The following EPM2A variants were observed in gnomAD, a reference collection of about 807,000 sequenced individuals.
The protein encoded by EPM2A is laforin.
In EPM2A, 21 loss-of-function variants were observed where a neutral mutation model predicts 26.5. The ratio of observed to expected loss-of-function variants is 0.79; its 90% CI spans 0.56 to 1.14. The LOEUF (loss-of-function observed/expected upper bound fraction) is 1.14, where lower values mean the gene tolerates loss of function less well. Among genes scored for constraint, EPM2A ranks in the 50% most tolerant of loss-of-function variants. The pLI is 0.00. For missense variants in EPM2A, 458 were observed against 440.8 expected (o/e 1.04, Z -0.35); for synonymous variants, 217 against 177.6 (o/e 1.22, Z -1.76).
At chr6:145,664,295 T>A (rs1778977118) in intron 2 of EPM2A, among the ~76,000 whole-genome samples, 1 of 93,134 alleles carries the variant, frequency 1.1e-5, no homozygotes. Context: ...ACACATAGGC[T>A]CAAAATAAAA....
intron 2 of EPM2A, among the ~76,000 whole-genome samples, chr6:145,566,733 A>G (rs1013352654): frequency 5.3e-5 from 8 of 152,194 alleles, no homozygotes; most frequent in African/African-American, 1.9e-4. Flanking sequence ...GGTTCTTAAT[A>G]GGGGTCAAAA....
At chr6:145,591,227 A>T (rs1034998166) in intron 2 of EPM2A, among the ~76,000 whole-genome samples, 5 of 152,162 alleles carry the variant, frequency 3.3e-5, no homozygotes, top group Non-Finnish European at 5.9e-5. Context: ...AAGGTATAAC[A>T]TAGACATATT....
At chr6:145,389,117 T>C (rs1031601463) in intron 4 of EPM2A, among the ~76,000 whole-genome samples, 4 of 152,152 alleles carry the variant, frequency 2.6e-5, no homozygotes, top group African/African-American at 7.2e-5. Context: ...GTTTCTCAAT[T>C]GGGCCTACCT....
chr6:145,652,337 TG>T (rs1209117447), intron 2 of EPM2A, among the ~76,000 whole-genome samples: 1 of 152,144 alleles, frequency 6.6e-6, no homozygotes, highest in African/African-American at 2.4e-5. Flanking sequence ...TCTTTTTGTT[TG>T]TTGTTAATGG....
At chr6:145,632,348 C>G (rs902652117) in intron 3 of EPM2A, 9 of 152,102 alleles carry the variant, frequency 5.9e-5, no homozygotes, top group Non-Finnish European at 1.3e-4. Flanking sequence ...ATTTGGGAGG[C>G]AAGGGTAGAC....
chr6:145,673,709 A>C (rs1351593101), intron 2 of EPM2A, among the ~76,000 whole-genome samples: 1 of 152,146 alleles, frequency 6.6e-6, no homozygotes, highest in Non-Finnish European at 1.5e-5. Context: ...GAGAGGCTGC[A>C]GCCTGGTGGG....
intron 2 of EPM2A, among the ~76,000 whole-genome samples, chr6:145,650,359 T>C (rs2128577539): frequency 6.6e-6 from 1 of 152,208 alleles, no homozygotes; most frequent in South Asian, 2.1e-4. Context: ...AAGACCAGCC[T>C]GGCCAACATG....
At chr6:145,728,722 T>C (rs1435886670) in intron 1 of EPM2A, among the ~76,000 whole-genome samples, 2 of 152,200 alleles carry the variant, frequency 1.3e-5, no homozygotes, top group Non-Finnish European at 2.9e-5. Flanking sequence ...ATTTGCAGCC[T>C]TGCCATGTGG....
Position 145,625,750 on chromosome 6 carries a change from C to G in EPM2A, c.*1666G>C, listed in dbSNP as rs754599220. 1.3e-5 allele frequency: 13 copies of G among 1,018,138 alleles called. No homozygotes were observed. Among genetic ancestry groups the G allele is most frequent in the Non-Finnish European group, 2.0e-5 (13 of 638,508 alleles). The allele number at this position is 1,018,138 out of a possible 1,614,324, so 63.1% of individuals were successfully genotyped here. A position where few individuals can be genotyped will look rare whatever the true frequency, so the allele number is the denominator to read the frequency against. ...CTCTGCCCAAAGCAAATGTCATCTCCCCTAAGTGCCACAGTTCTATCTCCC... is the reference window on the plus strand; with the variant it reads ...CTCTGCCCAAAGCAAATGTCATCTCGCCTAAGTGCCACAGTTCTATCTCCC... On this transcript the variant is annotated 3_prime_UTR_variant, in exon 4 of 4. Coordinates refer to ENST00000367519, the MANE Select transcript of EPM2A (RefSeq NM_005670.4).
At chr6:145,671,194 T>C in intron 2 of EPM2A, 1 of 813,054 alleles carries the variant, frequency 1.2e-6, no homozygotes, top group Non-Finnish European at 1.5e-6. Context: ...GCGAGCAAAG[T>C]AAAAAAAAAA....
chr6:145,734,120 C>T (rs1371809346), intron 1 of EPM2A, among the ~76,000 whole-genome samples: 1 of 152,170 alleles, frequency 6.6e-6, no homozygotes, highest in Non-Finnish European at 1.5e-5. Context: ...AGAAACACTC[C>T]CGAATGTTCA....
rs567424221 is a variant in EPM2A at position 145,727,935 on chromosome 6, G to A, written c.301+7263C>T. 2.0e-4 allele frequency among the ~76,000 whole-genome samples: 31 copies of A among 152,274 alleles called. No homozygotes were observed. In the South Asian group the frequency reaches 6.0e-3, roughly 30 times the overall value. On this transcript the variant is annotated intron_variant, in intron 1 of 3. Coordinates refer to ENST00000367519, the MANE Select transcript of EPM2A (RefSeq NM_005670.4). ...GGTGAGAGACGATTGAATCACGGGG[G>A]CAGACTTCCTCCTTGCTGTTCTTGT...
intron 4 of EPM2A, among the ~76,000 whole-genome samples, chr6:145,409,845 G>T (rs983190707): frequency 1.1e-4 from 16 of 152,170 alleles, no homozygotes; most frequent in African/African-American, 3.9e-4. Flanking sequence ...CTGGCTAATT[G>T]GTTCCTATCC....
In EPM2A at chr6:145,440,085, G is replaced by A. The variant is rs116010420; in HGVS notation, c.556-55988C>T. On this transcript the variant is annotated intron_variant, in intron 4 of 4. Coordinates refer to the EPM2A transcript ENST00000638717. ...ATTGAATAGGGAGTTATATTAGCCC[G>A]TTTTCATGCTGCTAATGAAGACATA... is the stretch of plus-strand genomic sequence containing the variant. Among the ~76,000 whole-genome samples, 1,201 of 152,224 alleles carry A rather than the reference G, an allele frequency of 7.9e-3. 12 individuals carry two copies. The highest frequency in any genetic ancestry group is 0.028 in the African/African-American group (1,156 of 41,532).
At chr6:145,663,866 T>C (rs1235072380) in intron 2 of EPM2A, among the ~76,000 whole-genome samples, 27 of 85,838 alleles carry the variant, frequency 3.1e-4, no homozygotes, top group African/African-American at 1.4e-3. Flanking sequence ...CATTCAACAT[T>C]CTTAAAGAAA....
At chr6:145,407,556 T>A (rs1339411854) in intron 4 of EPM2A, among the ~76,000 whole-genome samples, 2 of 152,216 alleles carry the variant, frequency 1.3e-5, no homozygotes, top group South Asian at 4.1e-4. Flanking sequence ...AGCTTTCCTA[T>A]AATTGTGAGG....
intron 1 of EPM2A, among the ~76,000 whole-genome samples, chr6:145,717,607 G>C (rs1280386913): frequency 1.3e-5 from 2 of 152,172 alleles, no homozygotes; most frequent in Non-Finnish European, 1.5e-5. Context: ...AGTGTTGGAA[G>C]TTCTGGCCAC....
rs1781326517 is a variant in EPM2A at position 145,595,217 on chromosome 6, C to T, written c.340+40028G>A. On this transcript the variant is annotated intron_variant, in intron 2 of 3. Coordinates refer to the EPM2A transcript ENST00000450221. Reference sequence around the variant, plus strand: ...AAAATTCTGGGGTCTATTTTGTATTCTCTATTTTATTCTTTTGATATGACC... The same window carrying T: ...AAAATTCTGGGGTCTATTTTGTATTTTCTATTTTATTCTTTTGATATGACC... Among the ~76,000 whole-genome samples, 4 of 151,730 alleles carry T rather than the reference C, an allele frequency of 2.6e-5. No homozygotes were observed. The South Asian group carries it at 8.3e-4, about 32-fold the overall frequency.
At chr6:145,707,609 G>T (rs1782295047) in intron 1 of EPM2A, among the ~76,000 whole-genome samples, 1 of 152,148 alleles carries the variant, frequency 6.6e-6, no homozygotes, top group African/African-American at 2.4e-5. Flanking sequence ...GTATACCCTT[G>T]TACATGTTCT....
Sources: allele counts gnomAD v4.1 joint callset (sites outside exome capture counted in the v4.1 genomes callset), GRCh38; gene constraint gnomAD v4.1.1; transcripts MANE v1.5; gene names NCBI Gene and HGNC (gene_info 2026-07-23, HGNC 2026-07-21).